The following PPP2R5A variants were observed in gnomAD, a reference collection of about 807,000 sequenced individuals.
The protein encoded by PPP2R5A is protein phosphatase 2 regulatory subunit B'alpha.
PPP2R5A carries 25 observed loss-of-function variants against 64.2 expected under a neutral mutation model. The ratio of observed to expected loss-of-function variants is 0.39; its 90% CI spans 0.28 to 0.54. The LOEUF (loss-of-function observed/expected upper bound fraction) is 0.54. Ranked by LOEUF, PPP2R5A falls within the 20% of genes least tolerant of loss-of-function variation. The pLI is 0.67. For synonymous variants in PPP2R5A, 198 were observed against 201.2 expected, an observed-to-expected ratio of 0.98 and a Z score of 0.13; for missense variants, 425 against 576.3, an observed-to-expected ratio of 0.74 and a Z score of 2.69.
At chr1:212,300,690 T>G (rs1357670018) in intron 1 of PPP2R5A, among the ~76,000 whole-genome samples, 1 of 152,122 alleles carries the variant, frequency 6.6e-6, no homozygotes, top group African/African-American at 2.4e-5. Flanking sequence ...TTAGAATCAA[T>G]TTAGAATTGT....
chr1:212,295,335 T>C (rs1263219145), intron 1 of PPP2R5A, among the ~76,000 whole-genome samples: 1 of 152,120 alleles, frequency 6.6e-6, no homozygotes, highest in East Asian at 1.9e-4. Flanking sequence ...ATGATAGCAG[T>C]TTATTGAAAG....
At chr1:212,347,028 C>G (rs1659792425) in intron 5 of PPP2R5A, among the ~76,000 whole-genome samples, 1 of 152,030 alleles carries the variant, frequency 6.6e-6, no homozygotes, top group Non-Finnish European at 1.5e-5. Flanking sequence ...TTAGAGGTTT[C>G]TTATTTTAAA....
intron 1 of PPP2R5A, among the ~76,000 whole-genome samples, chr1:212,321,205 A>C (rs1231159009): frequency 9.9e-4 from 100 of 101,466 alleles, no homozygotes; most frequent in South Asian, 1.7e-3. Context: ...ACCCCCCCAC[A>C]TCCTTCCCAG....
chr1:212,347,366 C>A lies in PPP2R5A; in HGVS notation c.724C>A (p.His242Asn). 6.3e-7 allele frequency: 1 copy of A among 1,591,726 alleles called. No homozygotes were observed. Among genetic ancestry groups the A allele is most frequent in the Non-Finnish European group, 8.6e-7 (1 of 1,162,644 alleles). ...ATTCAGGTTTATATATGAAACAGAA[C>A]ATTTCAATGGTGTTGCTGAACTTCT... ...IFLRFIYETEHFNGVAELLEI... is the reference protein window; with the variant it reads ...IFLRFIYETENFNGVAELLEI... The change falls in exon 6 of 13, where the codon CAT becomes AAT. Residue 242 changes from histidine (H) to asparagine (N), a missense_variant. Physicochemically the swap from His to Asn is moderately conservative, Grantham distance 68. Coordinates refer to ENST00000261461, the MANE Select transcript of PPP2R5A (RefSeq NM_006243.4).
At chr1:212,329,051 G>GAATAGCCT in intron 1 of PPP2R5A, 84 bp from the exon 2 acceptor site, 1 of 1,047,150 alleles carries the variant, frequency 9.5e-7, no homozygotes, top group Non-Finnish European at 1.3e-6. Context: ...TTACATATGT[G>GAATAGCCT]AATAGCTTCT....
intron 12 of PPP2R5A, 150 bp downstream of exon 12, chr1:212,358,937 A>T: frequency 1.9e-6 from 1 of 527,234 alleles, no homozygotes; most frequent in Non-Finnish European, 3.3e-6. Context: ...AAAGTCTCTT[A>T]ACATATAAGT....
intron 8 of PPP2R5A, among the ~76,000 whole-genome samples, chr1:212,351,102 C>CAAAAA (rs58625826): frequency 2.9e-5 from 3 of 103,738 alleles, no homozygotes; most frequent in Non-Finnish European, 2.6e-5. Flanking sequence ...CGAGATGACA[C>CAAAAA]AAAAAAAAAA....
Position 212,327,960 on chromosome 1 carries a change from A to T in PPP2R5A, c.182-1175A>T, listed in dbSNP as rs1019578445. On this transcript the variant is annotated intron_variant, in intron 1 of 12. Coordinates refer to ENST00000261461, the MANE Select transcript of PPP2R5A (RefSeq NM_006243.4). ...CTCTGGAGTAGCTGGGATTACAGGC[A>T]TGCGCCACCATGCCCGGATAATTTT... 3.3e-5 allele frequency among the ~76,000 whole-genome samples: 5 copies of T among 152,272 alleles called. No individual in the cohort carries two copies. In the East Asian group the frequency reaches 9.7e-4, roughly 29 times the overall value.
chr1:212,339,365 C>T (rs1228802538), intron 3 of PPP2R5A, among the ~76,000 whole-genome samples: 8 of 151,980 alleles, frequency 5.3e-5, no homozygotes, highest in African/African-American at 1.7e-4. Flanking sequence ...TTAGTAGAGA[C>T]GGGATTTCTG....
rs930369806 is a variant in PPP2R5A, at chr1:212,361,310, T to A, written c.*540T>A. The A allele has an allele frequency of 2.0e-5, 3 of 152,646 alleles. No homozygotes were observed. The highest frequency in any genetic ancestry group is 4.4e-5 in the Non-Finnish European group (3 of 68,046). 9.5% of individuals were successfully genotyped at this position (152,646 alleles called of 1,614,324 possible). ...ATAAATACATTACTGTACTCTGGAATTTAGGCAAAACCTTAAATCTCCAGG... is the reference window on the plus strand; with the variant it reads ...ATAAATACATTACTGTACTCTGGAAATTAGGCAAAACCTTAAATCTCCAGG... On this transcript the variant is annotated 3_prime_UTR_variant, in exon 13 of 13. Coordinates refer to ENST00000261461, the MANE Select transcript of PPP2R5A (RefSeq NM_006243.4).
intron 1 of PPP2R5A, among the ~76,000 whole-genome samples, chr1:212,294,095 G>T (rs1261971509): frequency 6.6e-6 from 1 of 152,098 alleles, no homozygotes; most frequent in Non-Finnish European, 1.5e-5. Flanking sequence ...CAGTTCAGTA[G>T]TATCAAATCT....
At chr1:212,345,328 A>G (rs2102442685) in intron 4 of PPP2R5A, among the ~76,000 whole-genome samples, 1 of 152,330 alleles carries the variant, frequency 6.6e-6, no homozygotes, top group Middle Eastern at 3.4e-3. Context: ...TAAATTCACA[A>G]AAAGAAGTCT....
chr1:212,322,462 A>G (rs976182054), intron 1 of PPP2R5A, among the ~76,000 whole-genome samples: 1 of 152,212 alleles, frequency 6.6e-6, no homozygotes, highest in Non-Finnish European at 1.5e-5. Flanking sequence ...ACAAATGCAA[A>G]ATATTTCATA....
At chr1:212,347,522 CAT>C (rs1469787447) in intron 6 of PPP2R5A, 116 bp downstream of exon 6, 16 of 704,912 alleles carry the variant, frequency 2.3e-5, no homozygotes, top group Non-Finnish European at 3.5e-5. Context: ...ATGTAGAACA[CAT>C]AGTTTCTCAA....
intron 11 of PPP2R5A, 133 bp downstream of exon 11, chr1:212,357,417 C>G: frequency 1.2e-6 from 1 of 820,868 alleles, no homozygotes; most frequent in East Asian, 3.0e-5. Context: ...CAGTTGTATT[C>G]TATTCTGTAT....
At chr1:212,309,459 C>T (rs1658986453) in intron 1 of PPP2R5A, 1 of 926,642 alleles carries the variant, frequency 1.1e-6, no homozygotes. Context: ...CCTTTAAAGC[C>T]TTCGCTTTGT....
At chr1:212,351,225 AGAGT>A (rs1287655791) in intron 8 of PPP2R5A, among the ~76,000 whole-genome samples, 2 of 152,186 alleles carry the variant, frequency 1.3e-5, no homozygotes, top group South Asian at 2.1e-4. Flanking sequence ...ATGAGGAGAG[AGAGT>A]AAGATAAATA....
chr1:212,318,113 A>T (rs910216266), intron 1 of PPP2R5A, among the ~76,000 whole-genome samples: 1 of 152,236 alleles, frequency 6.6e-6, no homozygotes, highest in East Asian at 1.9e-4. Flanking sequence ...AGTTATCTTG[A>T]GTCACCCTTG....
At chr1:212,294,618 G>T (rs2102411191) in intron 1 of PPP2R5A, among the ~76,000 whole-genome samples, 1 of 152,262 alleles carries the variant, frequency 6.6e-6, no homozygotes, top group East Asian at 1.9e-4. Context: ...TAAAATTTTG[G>T]TGAACCGCTG....
Sources: gnomAD v4.1 joint callset for allele counts (sites outside exome capture counted in the v4.1 genomes callset) on GRCh38, gnomAD v4.1.1 for gene constraint, MANE v1.5 for transcripts, NCBI Gene and HGNC (gene_info 2026-07-23, HGNC 2026-07-21) for gene names.